CNR2: variants seen among roughly 807,000 people sequenced by gnomAD.
CNR2 encodes cannabinoid receptor 2, also known as cannabinoid receptor 2 (macrophage).
For missense variants in CNR2, 379 were observed against 439.9 expected (o/e 0.86, Z 1.24); for synonymous variants, 172 against 182.2 (o/e 0.94, Z 0.45).
chr1:23,882,979 T>C (rs1472521703), intron 1 of CNR2, among the ~76,000 whole-genome samples: 1 of 151,692 alleles, frequency 6.6e-6, no homozygotes, highest in African/African-American at 2.4e-5. Flanking sequence ...GGCAAAACTA[T>C]AGGGAAGAGA....
At chr1:23,909,728 C>T (rs1189987952) in intron 1 of CNR2, among the ~76,000 whole-genome samples, 1 of 152,114 alleles carries the variant, frequency 6.6e-6, no homozygotes, top group Non-Finnish European at 1.5e-5. Flanking sequence ...CGCAGGTTCT[C>T]GGGTTGTCCA....
At chr1:23,898,280 G>A (rs1302467542) in intron 1 of CNR2, among the ~76,000 whole-genome samples, 2 of 147,754 alleles carry the variant, frequency 1.4e-5, no homozygotes, top group Admixed American at 6.9e-5. Flanking sequence ...CTTGTGATCC[G>A]CCCGCCTCAG....
chr1:23,900,474 A>T (rs1363773093), intron 1 of CNR2, among the ~76,000 whole-genome samples: 1 of 146,650 alleles, frequency 6.8e-6, no homozygotes, highest in Non-Finnish European at 1.5e-5. Context: ...TCTCTCTTAT[A>T]CTTCTGGGCA....
At chr1:23,899,144 C>T (rs1005694611) in intron 1 of CNR2, among the ~76,000 whole-genome samples, 2 of 152,098 alleles carry the variant, frequency 1.3e-5, no homozygotes, top group Non-Finnish European at 2.9e-5. Flanking sequence ...GATAGACTGT[C>T]TCATTTTCAC....
At chr1:23,910,654 C>CAAAAAAAAAAAAAAAAAAAAAAA in intron 1 of CNR2, among the ~76,000 whole-genome samples, 1 of 32,192 alleles carries the variant, frequency 3.1e-5, no homozygotes, top group South Asian at 2.4e-3. Context: ...AACGCTGTCT[C>CAAAAAAAAAAAAAAAAAAAAAAA]AAAAAAAAAA....
intron 1 of CNR2, among the ~76,000 whole-genome samples, chr1:23,912,731 G>A (rs574361253): frequency 6.6e-6 from 1 of 152,304 alleles, no homozygotes; most frequent in Non-Finnish European, 1.5e-5. Flanking sequence ...CCTGATTCTT[G>A]GTCCTAGGAG....
chr1:23,885,198 G>A (rs939574025), intron 1 of CNR2, among the ~76,000 whole-genome samples: 2 of 151,980 alleles, frequency 1.3e-5, no homozygotes, highest in Non-Finnish European at 2.9e-5. Flanking sequence ...CCGGGAGTTG[G>A]AGGCTGCAGT....
At chr1:23,909,492 T>C (rs1177855833) in intron 1 of CNR2, among the ~76,000 whole-genome samples, 2 of 152,030 alleles carry the variant, frequency 1.3e-5, no homozygotes, top group African/African-American at 2.4e-5. Flanking sequence ...GAGAATTGCC[T>C]TTACAGGACC....
chr1:23,897,326 A>G (rs1640302038), intron 1 of CNR2, among the ~76,000 whole-genome samples: 1 of 152,212 alleles, frequency 6.6e-6, no homozygotes, highest in African/African-American at 2.4e-5. Context: ...GAAGTTCTCA[A>G]ACTTCGTGGT....
At position 23,871,238 on chromosome 1, in the gene CNR2, T is replaced by G. The variant is rs1461738228; in HGVS notation, c.*3297A>C. 6.6e-6 allele frequency: 1 copy of G among 150,998 alleles called. No homozygotes were observed. The highest frequency in any genetic ancestry group is 1.5e-5 in the Non-Finnish European group (1 of 67,814). 9.4% of individuals were successfully genotyped at this position (150,998 alleles called of 1,614,324 possible). A position where few individuals can be genotyped will look rare whatever the true frequency, so the allele number is the denominator to read the frequency against. Reference sequence around the variant, plus strand: ...GTAGAAAGTGTGGAGTTGCGTTTGATCAAATGATTTTTAGAATCTAGTTTT... The same window carrying G: ...GTAGAAAGTGTGGAGTTGCGTTTGAGCAAATGATTTTTAGAATCTAGTTTT... On this transcript the variant is annotated 3_prime_UTR_variant, in exon 2 of 2. Coordinates refer to ENST00000374472, the MANE Select transcript of CNR2 (RefSeq NM_001841.3).
chr1:23,910,333 C>G (rs191732244), intron 1 of CNR2, among the ~76,000 whole-genome samples: 133 of 151,870 alleles, frequency 8.8e-4, no homozygotes, highest in African/African-American at 3.1e-3. Flanking sequence ...TAGCAGCCCC[C>G]TCCTAGGCTG....
chr1:23,877,220 G>A (rs1639899017), intron 1 of CNR2, among the ~76,000 whole-genome samples: 1 of 152,140 alleles, frequency 6.6e-6, no homozygotes, highest in African/African-American at 2.4e-5. Flanking sequence ...TTGTTTCTGG[G>A]TAGATCTGAA....
chr1:23,895,206 G>A (rs1640259497), intron 1 of CNR2, among the ~76,000 whole-genome samples: 1 of 151,946 alleles, frequency 6.6e-6, no homozygotes, highest in African/African-American at 2.4e-5. Flanking sequence ...GGGTGACAGA[G>A]CAAAACTCAG....
At chr1:23,882,294 G>A (rs1341677630) in intron 1 of CNR2, among the ~76,000 whole-genome samples, 4 of 152,082 alleles carry the variant, frequency 2.6e-5, no homozygotes, top group East Asian at 3.9e-4. Flanking sequence ...TGGTTTTCAC[G>A]CTCACGTGTG....
rs187532982 is a variant in CNR2, at chr1:23,897,654, G to A, written c.-46+15592C>T. ...TTTTTGTGTTTTTAGTAGAGACAGG[G>A]TTTCACTATGTTGGCCAGGCTGGTC... On this transcript the variant is annotated intron_variant, in intron 1 of 1. Coordinates refer to ENST00000374472, the MANE Select transcript of CNR2 (RefSeq NM_001841.3). 1.7e-3 allele frequency among the ~76,000 whole-genome samples: 263 copies of A among 152,012 alleles called. 1 individual carries two copies. Among genetic ancestry groups the A allele is most frequent in the Non-Finnish European group, 2.6e-3 (180 of 67,982 alleles).
chr1:23,906,838 G>A (rs185853827), intron 1 of CNR2, among the ~76,000 whole-genome samples: 5 of 150,954 alleles, frequency 3.3e-5, no homozygotes, highest in Admixed American at 1.3e-4. Flanking sequence ...GCTGCAGTGA[G>A]CCATGATTGC....
chr1:23,912,727 T>C (rs1282976924), intron 1 of CNR2, among the ~76,000 whole-genome samples: 1 of 152,198 alleles, frequency 6.6e-6, no homozygotes, highest in Non-Finnish European at 1.5e-5. Context: ...AAGTCCTGAT[T>C]CTTGGTCCTA....
At chr1:23,908,428 C>G (rs1640533201) in intron 1 of CNR2, among the ~76,000 whole-genome samples, 1 of 152,174 alleles carries the variant, frequency 6.6e-6, no homozygotes, top group South Asian at 2.1e-4. Flanking sequence ...AGATTTGATT[C>G]TTCCACTTAT....
chr1:23,901,981 C>G lies in CNR2; in HGVS notation c.-46+11265G>C, dbSNP rs995151756. 5 of 1,605,186 alleles carry G rather than the reference C, an allele frequency of 3.1e-6. No individual in the cohort carries two copies. The African/African-American group carries it at 4.0e-5, about 13-fold the overall frequency. On this transcript the variant is annotated intron_variant, in intron 1 of 1. Transcript: ENST00000374472. Reference sequence around the variant, plus strand: ...AGTCCAGGCGGGGCTTGTTGGTGGCCGTGTACCACAGGAAGATGGTGTGGG... The same window carrying G: ...AGTCCAGGCGGGGCTTGTTGGTGGCGGTGTACCACAGGAAGATGGTGTGGG...
Sources: allele counts gnomAD v4.1 joint callset (sites outside exome capture counted in the v4.1 genomes callset), GRCh38; gene constraint gnomAD v4.1.1; transcripts MANE v1.5; gene names NCBI Gene and HGNC (gene_info 2026-07-23, HGNC 2026-07-21).